The following SLIT3 variants were observed in gnomAD, a reference collection of about 807,000 sequenced individuals.
SLIT3 encodes the protein slit guidance ligand 3, also known as slit homolog 3 protein.
In SLIT3, 68 loss-of-function variants were observed where a neutral mutation model predicts 184.0. The ratio of observed to expected loss-of-function variants is 0.37; its 90% CI spans 0.30 to 0.45. The LOEUF is 0.45. Ranked by LOEUF, SLIT3 falls within the 20% of genes least tolerant of loss-of-function variation. SLIT3 has a pLI of 1.00. For missense variants in SLIT3, 1,707 were observed against 2,026.0 expected, an observed-to-expected ratio of 0.84 and a Z score of 3.02; for synonymous variants, 831 against 828.6, an observed-to-expected ratio of 1.00 and a Z score of -0.05.
At chr5:169,250,409 A>G (rs1765732566) in intron 2 of SLIT3, among the ~76,000 whole-genome samples, 1 of 152,236 alleles carries the variant, frequency 6.6e-6, no homozygotes, top group Non-Finnish European at 1.5e-5. Flanking sequence ...ACTTCTAACA[A>G]CGTATTCCCT....
At chr5:168,853,216 T>A (rs1321788940) in intron 5 of SLIT3, among the ~76,000 whole-genome samples, 1 of 152,112 alleles carries the variant, frequency 6.6e-6, no homozygotes, top group Non-Finnish European at 1.5e-5. Context: ...AAGATTGAAA[T>A]ACAAGAAGCC....
At chr5:168,826,020 G>C (rs2113675446) in intron 6 of SLIT3, among the ~76,000 whole-genome samples, 1 of 152,280 alleles carries the variant, frequency 6.6e-6, no homozygotes, top group East Asian at 1.9e-4. Flanking sequence ...CAGAGAAGGG[G>C]CTTCTTTCCA....
chr5:169,072,028 A>T (rs1280972587), intron 4 of SLIT3, among the ~76,000 whole-genome samples: 2 of 152,218 alleles, frequency 1.3e-5, no homozygotes, highest in Non-Finnish European at 2.9e-5. Flanking sequence ...TTGATCCCCA[A>T]ATAGCCAAAG....
intron 11 of SLIT3, among the ~76,000 whole-genome samples, chr5:168,786,667 C>T (rs1756164930): frequency 6.6e-6 from 1 of 152,186 alleles, no homozygotes; most frequent in African/African-American, 2.4e-5. Flanking sequence ...ACTGGTGTCT[C>T]TGATTCATGG....
intron 20 of SLIT3, among the ~76,000 whole-genome samples, chr5:168,732,519 C>A (rs1763316911): frequency 6.6e-6 from 1 of 152,064 alleles, no homozygotes; most frequent in Non-Finnish European, 1.5e-5. Context: ...CCACAGCAAT[C>A]CTGAGCAAAA....
intron 4 of SLIT3, among the ~76,000 whole-genome samples, chr5:169,110,435 G>A (rs1167442253): frequency 6.6e-6 from 1 of 152,126 alleles, no homozygotes; most frequent in African/African-American, 2.4e-5. Context: ...AGGGCTGTGA[G>A]GGAGGGTCTG....
At chr5:168,682,951 A>G (rs1761634471) in intron 32 of SLIT3, among the ~76,000 whole-genome samples, 1 of 152,056 alleles carries the variant, frequency 6.6e-6, no homozygotes, top group Non-Finnish European at 1.5e-5. Context: ...ATTTATAACT[A>G]AATTTTTATT....
At chr5:169,072,741 G>T (rs754581412) in intron 4 of SLIT3, among the ~76,000 whole-genome samples, 1 of 152,194 alleles carries the variant, frequency 6.6e-6, no homozygotes, top group Non-Finnish European at 1.5e-5. Flanking sequence ...TCTTCTGCAC[G>T]GCTGGAGGCA....
intron 1 of SLIT3, among the ~76,000 whole-genome samples, chr5:169,275,437 A>T (rs1229182908): frequency 6.6e-6 from 1 of 152,232 alleles, no homozygotes; most frequent in Non-Finnish European, 1.5e-5. Context: ...CTGCAGTGTC[A>T]GAGGGCCAGA....
intron 4 of SLIT3, among the ~76,000 whole-genome samples, chr5:168,897,646 G>GCGCGCGCGCGCACACACA: frequency 1.9e-5 from 2 of 105,382 alleles, no homozygotes; most frequent in Non-Finnish European, 3.9e-5. Flanking sequence ...ACAGGTGCAC[G>GCGCGCGCGCGCACACACA]TACACACACA....
At chr5:168,827,658 A>G (rs1757747704) in intron 6 of SLIT3, among the ~76,000 whole-genome samples, 1 of 152,156 alleles carries the variant, frequency 6.6e-6, no homozygotes, top group Non-Finnish European at 1.5e-5. Flanking sequence ...GCCATGTAAG[A>G]CAACATTCAT....
chr5:168,935,839 T>G (rs1488040567), intron 4 of SLIT3, among the ~76,000 whole-genome samples: 1 of 152,258 alleles, frequency 6.6e-6, no homozygotes, highest in Non-Finnish European at 1.5e-5. Flanking sequence ...GTACGGTTTC[T>G]TTGAGCAACA....
At chr5:168,877,571 C>T (rs954374283) in intron 5 of SLIT3, among the ~76,000 whole-genome samples, 1 of 152,182 alleles carries the variant, frequency 6.6e-6, no homozygotes, top group Non-Finnish European at 1.5e-5. Flanking sequence ...CCACACCTCC[C>T]TCACCCTCAC....
At chr5:168,814,860 G>A (rs931050296) in intron 8 of SLIT3, among the ~76,000 whole-genome samples, 1 of 152,180 alleles carries the variant, frequency 6.6e-6, no homozygotes, top group African/African-American at 2.4e-5. Flanking sequence ...CAATCTTCAT[G>A]GATGTTCACT....
At chr5:169,255,480 G>T (rs1765924766) in intron 1 of SLIT3, among the ~76,000 whole-genome samples, 1 of 152,102 alleles carries the variant, frequency 6.6e-6, no homozygotes, top group Admixed American at 6.6e-5. Flanking sequence ...AGTAAAAAAA[G>T]TTTATAAAAT....
At chr5:169,090,017 A>C (rs167194) in intron 4 of SLIT3, among the ~76,000 whole-genome samples, 63,763 of 151,998 alleles carry the variant, frequency 0.42, 13,437 homozygotes, top group Middle Eastern at 0.43. Flanking sequence ...ATGCAGGTGA[A>C]TTGTGTATGC....
intron 4 of SLIT3, among the ~76,000 whole-genome samples, chr5:169,100,068 G>C (rs1032526542): frequency 6.6e-6 from 1 of 152,176 alleles, no homozygotes; most frequent in African/African-American, 2.4e-5. Flanking sequence ...ACCCTGCCAA[G>C]CCTCTCTCTG....
chr5:168,864,781 A>G (rs1351260622), intron 5 of SLIT3, among the ~76,000 whole-genome samples: 2 of 152,214 alleles, frequency 1.3e-5, no homozygotes, highest in Non-Finnish European at 2.9e-5. Flanking sequence ...CGCAATTTAC[A>G]TTAGTTTTCT....
intron 1 of SLIT3, among the ~76,000 whole-genome samples, chr5:169,265,262 G>A (rs1048941713): frequency 6.6e-6 from 1 of 152,226 alleles, no homozygotes; most frequent in African/African-American, 2.4e-5. Flanking sequence ...CTGGCCTGCA[G>A]ACCTGCGTAG....
Sources: gnomAD v4.1 joint callset for allele counts (sites outside exome capture counted in the v4.1 genomes callset) on GRCh38, gnomAD v4.1.1 for gene constraint, MANE v1.5 for transcripts, NCBI Gene and HGNC (gene_info 2026-07-23, HGNC 2026-07-21) for gene names.